The following NAALADL2 variants were observed in gnomAD, a reference collection of about 807,000 sequenced individuals.
The protein encoded by NAALADL2 is inactive N-acetylated-alpha-linked acidic dipeptidase-like protein 2.
NAALADL2 carries 76 observed loss-of-function variants against 87.2 expected under a neutral mutation model. The ratio of observed to expected loss-of-function variants is 0.87; its 90% CI spans 0.72 to 1.05. The LOEUF (loss-of-function observed/expected upper bound fraction) is 1.05. Among genes scored for constraint, NAALADL2 ranks in the 50% least tolerant of loss-of-function variants. The probability of loss-of-function intolerance (pLI) is 0.00; values close to 1 mark genes in which losing one functional copy is unlikely to be tolerated. For missense variants in NAALADL2, 1,089 were observed against 945.8 expected (o/e 1.15, Z -1.99); for synonymous variants, 354 against 331.0 (o/e 1.07, Z -0.75).
At chr3:175,091,640 G>T (rs910783062) in intron 1 of NAALADL2, among the ~76,000 whole-genome samples, 1 of 152,014 alleles carries the variant, frequency 6.6e-6, no homozygotes, top group South Asian at 2.1e-4. Flanking sequence ...GATAAACATG[G>T]TGTTCTACAA....
At chr3:175,246,707 T>C (rs1289872457) in intron 3 of NAALADL2, among the ~76,000 whole-genome samples, 1 of 152,184 alleles carries the variant, frequency 6.6e-6, no homozygotes, top group African/African-American at 2.4e-5. Flanking sequence ...TTAATTACTT[T>C]TCTGTTGCTT....
At chr3:174,927,287 TAGAC>T (rs1736208448) in intron 1 of NAALADL2, among the ~76,000 whole-genome samples, 3 of 152,118 alleles carry the variant, frequency 2.0e-5, no homozygotes, top group Non-Finnish European at 4.4e-5. Context: ...CTGTCAACAT[TAGAC>T]AGATCAACGG....
chr3:175,464,170 T>A (rs947572205), intron 7 of NAALADL2, among the ~76,000 whole-genome samples: 4 of 149,806 alleles, frequency 2.7e-5, no homozygotes, highest in East Asian at 1.9e-4. Flanking sequence ...TTTTTTTTTT[T>A]AAATAAAAGT....
chr3:175,466,949 T>C, intron 7 of NAALADL2, 30 bp from the exon 8 acceptor site: 1 of 1,530,922 alleles, frequency 6.5e-7, no homozygotes, highest in Non-Finnish European at 9.0e-7. Context: ...TACATTTTTT[T>C]AAATGGCTCT....
At chr3:174,879,816 C>A (rs1236251891) in intron 1 of NAALADL2, among the ~76,000 whole-genome samples, 2 of 152,064 alleles carry the variant, frequency 1.3e-5, no homozygotes, top group Non-Finnish European at 2.9e-5. Context: ...TTTGCTCCAA[C>A]TATACCCAAA....
At chr3:174,767,085 C>G (rs1197123871) in intron 3 of NAALADL2, among the ~76,000 whole-genome samples, 1 of 152,166 alleles carries the variant, frequency 6.6e-6, no homozygotes, top group African/African-American at 2.4e-5. Context: ...GCCTTTGGTT[C>G]AGTCTCATAT....
intron 11 of NAALADL2, among the ~76,000 whole-genome samples, chr3:175,672,375 T>C (rs2149847566): frequency 6.6e-6 from 1 of 152,274 alleles, no homozygotes; most frequent in East Asian, 1.9e-4. Flanking sequence ...TAAAGGGAAG[T>C]TGATCCTCTT....
intron 2 of NAALADL2, among the ~76,000 whole-genome samples, chr3:175,215,856 A>C (rs1280661536): frequency 6.6e-6 from 1 of 152,162 alleles, no homozygotes; most frequent in East Asian, 1.9e-4. Flanking sequence ...AGTAAGACTG[A>C]ATGGATGGGT....
chr3:175,183,515 T>C (rs897610423), intron 2 of NAALADL2, among the ~76,000 whole-genome samples: 4 of 152,128 alleles, frequency 2.6e-5, no homozygotes, highest in Non-Finnish European at 4.4e-5. Context: ...ATACCTTCTA[T>C]ATCTAATTTG....
intron 1 of NAALADL2, among the ~76,000 whole-genome samples, chr3:174,924,399 T>C (rs1196931811): frequency 6.6e-6 from 1 of 152,118 alleles, no homozygotes; most frequent in Non-Finnish European, 1.5e-5. Flanking sequence ...ACTCATCCTT[T>C]TTTATGGCTG....
At chr3:174,861,279 T>A (rs67568617) in intron 1 of NAALADL2, among the ~76,000 whole-genome samples, 17,446 of 152,020 alleles carry the variant, frequency 0.11, 1,091 homozygotes, top group Middle Eastern at 0.15. Flanking sequence ...ATTAATCAAG[T>A]GAGGGTTAAA....
At chr3:174,733,967 C>T (rs1196730865) in intron 2 of NAALADL2, among the ~76,000 whole-genome samples, 2 of 152,058 alleles carry the variant, frequency 1.3e-5, no homozygotes, top group Non-Finnish European at 2.9e-5. Flanking sequence ...AGAAGAAATT[C>T]AGGTAAAACA....
Position 175,732,033 on chromosome 3 carries a change from T to G in NAALADL2, c.1897-5273T>G, listed in dbSNP as rs1022130466. On this transcript the variant is annotated intron_variant, in intron 11 of 13. Transcript: ENST00000454872. ...TTTGGTGTTTCTTGTATGATTTGGA[T>G]GAAGTGAGGTGGAATTGAAGGATAA... 3.3e-5 allele frequency among the ~76,000 whole-genome samples: 5 copies of G among 152,214 alleles called. No homozygotes were observed. The East Asian group carries it at 9.6e-4, about 29-fold the overall frequency.
intron 5 of NAALADL2, among the ~76,000 whole-genome samples, chr3:175,393,316 A>AAAAAAAT (rs1769319845): frequency 7.3e-6 from 1 of 136,410 alleles, no homozygotes; most frequent in Non-Finnish European, 1.6e-5. Flanking sequence ...AAAAAAAAAA[A>AAAAAAAT]TTGTAGAGTT....
chr3:174,932,804 T>C (rs763817045), intron 1 of NAALADL2, among the ~76,000 whole-genome samples: 5 of 152,206 alleles, frequency 3.3e-5, no homozygotes, highest in Non-Finnish European at 7.4e-5. Flanking sequence ...AATATGTTAT[T>C]GAGAAAGCAT....
intron 1 of NAALADL2, among the ~76,000 whole-genome samples, chr3:174,518,199 G>T (rs1433991209): frequency 3.9e-5 from 6 of 152,126 alleles, no homozygotes; most frequent in Non-Finnish European, 7.4e-5. Flanking sequence ...GTGCCTGTGT[G>T]TATGTAATTT....
intron 3 of NAALADL2, among the ~76,000 whole-genome samples, chr3:174,821,682 C>T (rs1721440617): frequency 1.3e-5 from 2 of 152,102 alleles, no homozygotes; most frequent in African/African-American, 2.4e-5. Context: ...ACTTCAGAAG[C>T]TTATGGTAGA....
At chr3:174,879,860 G>A (rs1282328354) in intron 1 of NAALADL2, among the ~76,000 whole-genome samples, 1 of 151,978 alleles carries the variant, frequency 6.6e-6, no homozygotes, top group Non-Finnish European at 1.5e-5. Context: ...TTACCTTCAT[G>A]TTCTCAAATT....
At chr3:175,297,695 C>CCTA (rs1222882395) in intron 4 of NAALADL2, among the ~76,000 whole-genome samples, 1 of 152,092 alleles carries the variant, frequency 6.6e-6, no homozygotes, top group East Asian at 1.9e-4. Flanking sequence ...CATTACAGCC[C>CCTA]ATACTGCAGG....
Sources: allele counts gnomAD v4.1 joint callset (sites outside exome capture counted in the v4.1 genomes callset), GRCh38; gene constraint gnomAD v4.1.1; transcripts MANE v1.5; gene names NCBI Gene and HGNC (gene_info 2026-07-23, HGNC 2026-07-21).